The following BCAR3 variants were observed in gnomAD, a reference collection of about 807,000 sequenced individuals.
BCAR3 encodes breast cancer anti-estrogen resistance protein 3.
Under a neutral mutation model 80.1 loss-of-function variants are expected in BCAR3, and 37 were observed. That is an observed-to-expected ratio of 0.46 (90% confidence interval 0.36 to 0.61). The LOEUF is 0.61. BCAR3 is among the 20% of genes least tolerant of loss of function. The probability of loss-of-function intolerance (pLI) is 0.00; values close to 1 mark genes in which losing one functional copy is unlikely to be tolerated. For missense variants in BCAR3, 978 were observed against 1,068.2 expected (o/e 0.92, Z 1.18); for synonymous variants, 389 against 418.9 (o/e 0.93, Z 0.87).
At chr1:93,657,136 A>C (rs1489711051) in intron 2 of BCAR3, among the ~76,000 whole-genome samples, 1 of 152,234 alleles carries the variant, frequency 6.6e-6, no homozygotes, top group Non-Finnish European at 1.5e-5. Flanking sequence ...TAGGAATTTG[A>C]ATTCCCAACC....
chr1:93,590,993 T>C (rs1413328309), intron 4 of BCAR3, among the ~76,000 whole-genome samples: 3 of 152,016 alleles, frequency 2.0e-5, no homozygotes, highest in African/African-American at 7.3e-5. Context: ...GGAGGATGTA[T>C]GTACACAAAA....
intron 2 of BCAR3, among the ~76,000 whole-genome samples, chr1:93,733,544 T>C (rs1650868278): frequency 6.6e-6 from 1 of 151,814 alleles, no homozygotes; most frequent in African/African-American, 2.4e-5. Context: ...TGGTGAGGAG[T>C]GACAAAGCCT....
intron 2 of BCAR3, among the ~76,000 whole-genome samples, chr1:93,798,333 T>C (rs1483367663): frequency 1.3e-5 from 2 of 152,232 alleles, no homozygotes; most frequent in East Asian, 3.8e-4. Flanking sequence ...CATTTGATAT[T>C]AGCATTAAGC....
intron 2 of BCAR3, among the ~76,000 whole-genome samples, chr1:93,803,480 A>T (rs2143996): frequency 0.14 from 21,516 of 152,152 alleles, 2,485 homozygotes; most frequent in African/African-American, 0.31. Flanking sequence ...TATCTCAGAA[A>T]AAAGTGAAAT....
At chr1:93,675,721 G>C (rs1478977660) in intron 1 of BCAR3, among the ~76,000 whole-genome samples, 2 of 152,036 alleles carry the variant, frequency 1.3e-5, no homozygotes, top group African/African-American at 4.8e-5. Context: ...GGCAAAGGAA[G>C]CATGGAAAGG....
intron 2 of BCAR3, among the ~76,000 whole-genome samples, chr1:93,745,998 T>C (rs76445641): frequency 0.019 from 2,824 of 152,338 alleles, 70 homozygotes; most frequent in African/African-American, 0.063. Flanking sequence ...TTAAACATAG[T>C]ATTTGTGTGA....
chr1:93,562,234 A>G lies in BCAR3; in HGVS notation c.*7T>C. On this transcript the variant is annotated 3_prime_UTR_variant, in exon 12 of 12. Coordinates refer to ENST00000260502, the MANE Select transcript of BCAR3 (RefSeq NM_003567.4). ...AAAAGATATTCTAAAGGTTCTCTGG[A>G]GAGTTATCAAAGCTCTGCCTGCTTT... 1.2e-6 allele frequency: 2 copies of G among 1,611,076 alleles called. No individual in the cohort carries two copies. The highest frequency in any genetic ancestry group is 2.2e-5 in the South Asian group (2 of 90,512).
chr1:93,845,502 A>ATATATATATATATATCATGTTGTC, intron 2 of BCAR3: 1 of 113,822 alleles, frequency 8.8e-6, no homozygotes, highest in African/African-American at 3.5e-5. Context: ...ATATATATAT[A>ATATATATATATATATCATGTTGTC]AAACTTTGTT....
intron 2 of BCAR3, among the ~76,000 whole-genome samples, chr1:93,843,059 A>T (rs1204371255): frequency 1.3e-5 from 2 of 152,176 alleles, no homozygotes; most frequent in African/African-American, 2.4e-5. Context: ...GCAAGAAATG[A>T]GTCTTCTTAA....
At chr1:93,774,909 G>A (rs1652492235) in intron 2 of BCAR3, among the ~76,000 whole-genome samples, 2 of 152,152 alleles carry the variant, frequency 1.3e-5, no homozygotes, top group African/African-American at 4.8e-5. Flanking sequence ...CACACAGCAG[G>A]AAAGAAAAGC....
chr1:93,813,656 C>G (rs1013280501), intron 2 of BCAR3, among the ~76,000 whole-genome samples: 3 of 152,144 alleles, frequency 2.0e-5, no homozygotes, highest in Non-Finnish European at 4.4e-5. Context: ...ACATTGTACC[C>G]CTTTACCCCT....
At chr1:93,569,007 G>C (rs899273441) in intron 9 of BCAR3, among the ~76,000 whole-genome samples, 1 of 152,120 alleles carries the variant, frequency 6.6e-6, no homozygotes, top group Non-Finnish European at 1.5e-5. Flanking sequence ...TTCTTCTGCA[G>C]GTAACTCAGG....
intron 2 of BCAR3, among the ~76,000 whole-genome samples, chr1:93,732,283 C>CAAGA (rs1170772559): frequency 2.6e-5 from 4 of 152,010 alleles, no homozygotes; most frequent in Non-Finnish European, 4.4e-5. Flanking sequence ...AAATCAGCAC[C>CAAGA]AAGAGGTGGA....
At chr1:93,691,946 C>G (rs116320669) in intron 3 of BCAR3, among the ~76,000 whole-genome samples, 425 of 152,288 alleles carry the variant, frequency 2.8e-3, no homozygotes, top group Admixed American at 5.2e-3. Flanking sequence ...ACTCTTAAAG[C>G]TGGACTTGGT....
At chr1:93,644,238 G>T (rs1233772300) in intron 2 of BCAR3, among the ~76,000 whole-genome samples, 2 of 152,124 alleles carry the variant, frequency 1.3e-5, no homozygotes, top group Non-Finnish European at 2.9e-5. Flanking sequence ...TTAACTAAAA[G>T]TCTAGCACCT....
intron 2 of BCAR3, among the ~76,000 whole-genome samples, chr1:93,740,916 T>C (rs1651153398): frequency 6.6e-6 from 1 of 152,238 alleles, no homozygotes; most frequent in Non-Finnish European, 1.5e-5. Context: ...CAGCCTTGTG[T>C]TCAGCCCTTA....
chr1:93,618,100 T>C (rs182203037), intron 3 of BCAR3, among the ~76,000 whole-genome samples: 1 of 152,344 alleles, frequency 6.6e-6, no homozygotes, highest in African/African-American at 2.4e-5. Context: ...CCAGGCTCAG[T>C]AGCTACAGAA....
chr1:93,703,472 C>T (rs1216656563), intron 3 of BCAR3, among the ~76,000 whole-genome samples: 2 of 151,658 alleles, frequency 1.3e-5, no homozygotes, highest in South Asian at 4.2e-4. Context: ...GAGGCTAAGG[C>T]CAGCGGATTG....
intron 3 of BCAR3, among the ~76,000 whole-genome samples, chr1:93,611,758 T>G (rs1354571210): frequency 6.6e-6 from 1 of 152,200 alleles, no homozygotes; most frequent in Non-Finnish European, 1.5e-5. Flanking sequence ...ATCATTCTCC[T>G]ATGTAAGGAG....
Sources: allele counts gnomAD v4.1 joint callset (sites outside exome capture counted in the v4.1 genomes callset), GRCh38; gene constraint gnomAD v4.1.1; transcripts MANE v1.5; gene names NCBI Gene and HGNC (gene_info 2026-07-23, HGNC 2026-07-21).